Variants in DOP1A observed in about 807,000 individuals in gnomAD.
DOP1A encodes the protein protein DOP1A.
Under a neutral mutation model 267.6 loss-of-function variants are expected in DOP1A, and 90 were observed. That is an observed-to-expected ratio of 0.34 (90% CI 0.28 to 0.40). DOP1A has a LOEUF of 0.40. Ranked by LOEUF, DOP1A falls within the 10% of genes least tolerant of loss-of-function variation. The pLI is 1.00. For missense variants in DOP1A, 2,437 were observed against 2,900.4 expected (o/e 0.84, Z 3.67); for synonymous variants, 932 against 999.1 (o/e 0.93, Z 1.27).
Position 83,153,929 on chromosome 6 carries a change from A to C in DOP1A, c.6275A>C (p.Gln2092Pro). Residue 2092 changes from glutamine to proline, a missense_variant, in exon 32 of 39, where the codon CAG (glutamine) becomes CCG (proline). By Grantham distance (76) the Gln-to-Pro change is moderately conservative. This residue lies in a region of DOP1A where 216 missense variants were observed against 283.3 expected (regional missense o/e 0.76). Transcript: ENST00000349129. ...HNAPSYRACV[Q>P]LLSSLSGYQY... ...GCCCCTAGTTATCGAGCTTGTGTCCAGCTGCTCAGCAGTCTTAGTGGGTAT... is the reference window on the plus strand; with the variant it reads ...GCCCCTAGTTATCGAGCTTGTGTCCCGCTGCTCAGCAGTCTTAGTGGGTAT... 6.2e-7 allele frequency: 1 copy of C among 1,613,724 alleles called. No individual in the cohort carries two copies. The highest frequency in any genetic ancestry group is 1.1e-5 in the South Asian group (1 of 90,936).
Position 83,162,925 on chromosome 6 carries a change from G to A in DOP1A, c.7092+6G>A, listed in dbSNP as rs777922604. On this transcript the variant is annotated splice_donor_region_variant and intron_variant, in intron 38 of 38. Transcript: ENST00000349129. Reference sequence around the variant, plus strand: ...TTCTTCGGAAAAGAGCAAAGGTATCGCATTCTTTTGTGATTGTTTTGTTTT... The same window carrying A: ...TTCTTCGGAAAAGAGCAAAGGTATCACATTCTTTTGTGATTGTTTTGTTTT... 3.3e-5 allele frequency: 53 copies of A among 1,607,474 alleles called. No homozygotes were observed. Among genetic ancestry groups the A allele is most frequent in the South Asian group, 1.1e-4 (10 of 90,136 alleles).
intron 1 of DOP1A, among the ~76,000 whole-genome samples, chr6:83,070,480 T>A (rs531811010): frequency 6.6e-6 from 1 of 152,338 alleles, no homozygotes; most frequent in South Asian, 2.1e-4. Flanking sequence ...TACATTCATT[T>A]AAGTGTACAT....
At chr6:83,125,007 G>T (rs890294619) in intron 13 of DOP1A, among the ~76,000 whole-genome samples, 159 bp from the exon 14 acceptor site, 3 of 152,088 alleles carry the variant, frequency 2.0e-5, no homozygotes, top group Non-Finnish European at 4.4e-5. Flanking sequence ...AAAATACATG[G>T]AGTAAACTTC....
intron 38 of DOP1A, chr6:83,166,270 T>A (rs758629473): frequency 1.4e-5 from 8 of 570,120 alleles, no homozygotes; most frequent in Non-Finnish European, 2.2e-5. Context: ...TCTCTTATAG[T>A]TGTAAGAGGA....
At chr6:83,110,595 A>C (rs1455016269) in intron 6 of DOP1A, among the ~76,000 whole-genome samples, 1 of 152,210 alleles carries the variant, frequency 6.6e-6, no homozygotes, top group African/African-American at 2.4e-5. Flanking sequence ...ATGTGAGAAG[A>C]TGTACTAAAA....
intron 7 of DOP1A, among the ~76,000 whole-genome samples, chr6:83,115,568 A>G (rs894950030): frequency 1.3e-5 from 2 of 152,020 alleles, no homozygotes; most frequent in African/African-American, 4.8e-5. Flanking sequence ...TAAAAATACA[A>G]AAAAAATTAG....
chr6:83,148,231 G>T (rs1320015893), intron 26 of DOP1A, among the ~76,000 whole-genome samples: 1 of 151,998 alleles, frequency 6.6e-6, no homozygotes, highest in African/African-American at 2.4e-5. Flanking sequence ...GGCCAACATG[G>T]TGAAACCCTG....
At chr6:83,124,204 G>C (rs1448472555) in intron 12 of DOP1A, among the ~76,000 whole-genome samples, 2 of 152,054 alleles carry the variant, frequency 1.3e-5, no homozygotes, top group African/African-American at 2.4e-5. Context: ...GATTTAATGT[G>C]AATGTTTGTT....
intron 17 of DOP1A, 29 bp downstream of exon 17, chr6:83,130,426 A>G (rs1395137032): frequency 1.3e-6 from 2 of 1,589,976 alleles, no homozygotes; most frequent in Non-Finnish European, 1.7e-6. Flanking sequence ...ATATATGACT[A>G]TGATGATTAC....
chr6:83,163,651 G>GT (rs1405357822), intron 38 of DOP1A, among the ~76,000 whole-genome samples: 1 of 152,092 alleles, frequency 6.6e-6, no homozygotes, highest in African/African-American at 2.4e-5. Flanking sequence ...CGAATCTAAA[G>GT]TTTCACAAAA....
chr6:83,135,830 G>A lies in DOP1A; in HGVS notation c.3082G>A (p.Gly1028Arg), dbSNP rs1250794368. The A allele has an allele frequency of 6.2e-7, 1 of 1,613,466 alleles. No individual in the cohort carries two copies. The highest frequency in any genetic ancestry group is 8.5e-7 in the Non-Finnish European group (1 of 1,179,654). The stretch of plus-strand genomic sequence containing the variant: ...TTGGAATAAGTCTCCCTGTTATCCA[G>A]GAGAGGAGAGTGACAAGCATTTCAT... ...RYWNKSPCYP[G>R]EESDKHFMQN... The change falls in exon 20 of 39, where the codon GGA (glycine) becomes AGA (arginine). Residue 1028 changes from glycine (G) to arginine (R), a missense_variant. Gly to Arg is a moderately radical substitution (Grantham distance 125). Transcript: ENST00000349129.
intron 1 of DOP1A, among the ~76,000 whole-genome samples, chr6:83,071,140 G>C (rs1265321967): frequency 2.0e-5 from 3 of 152,198 alleles, no homozygotes; most frequent in Admixed American, 2.0e-4. Context: ...TTTCAGTGGT[G>C]TTAACATCTT....
At chr6:83,092,566 C>G (rs375762581) in intron 1 of DOP1A, among the ~76,000 whole-genome samples, 9 of 118,980 alleles carry the variant, frequency 7.6e-5, no homozygotes, top group East Asian at 2.9e-4. Flanking sequence ...TCCCCCCCCC[C>G]CCACCATATT....
At position 83,137,246 on chromosome 6, in the gene DOP1A, T is replaced by C. The variant is rs191811764; in HGVS notation, c.3204T>C (p.Phe1068=). The change falls in exon 21 of 39, where the codon TTT becomes TTC. Residue 1068 remains phenylalanine (F), a synonymous_variant. Transcript: ENST00000349129. Reference sequence around the variant, plus strand: ...TTACCATGGATGAAATAGAGAACTTTAGTCTCACTGTGAATCCATTAAGTG... The same window carrying C: ...TTACCATGGATGAAATAGAGAACTTCAGTCTCACTGTGAATCCATTAAGTG... The part of the protein sequence containing the change: ...KPLTMDEIEN[F]SLTVNPLSDR... The C allele has an allele frequency of 1.8e-4, 288 of 1,611,656 alleles. 1 individual carries two copies. The Admixed American group carries it at 4.5e-3, about 25-fold the overall frequency.
intron 38 of DOP1A, 25 bp downstream of exon 38, chr6:83,162,944 TTG>T (rs746218782): frequency 2.0e-5 from 32 of 1,604,486 alleles, no homozygotes; most frequent in Non-Finnish European, 2.3e-5. Flanking sequence ...TGTGATTGTT[TTG>T]TTTTACATCA....
In DOP1A at chr6:83,120,693, G is replaced by A. The variant is rs1469871775; in HGVS notation, c.1001G>A (p.Gly334Glu). The part of the protein sequence containing the change: ...SKELLVQAMV[G>E]ILQVNGFGEE... ...TTTCCTTTTTTAAAGGCAATGGTGGGAATCTTACAAGTGAATGGATTTGGA... is the reference window on the plus strand; with the variant it reads ...TTTCCTTTTTTAAAGGCAATGGTGGAAATCTTACAAGTGAATGGATTTGGA... The change falls in exon 10 of 39, where the codon GGA becomes GAA. Residue 334 changes from glycine (G) to glutamate (E), a missense_variant. Transcript: ENST00000349129. The A allele has an allele frequency of 1.3e-6, 2 of 1,574,648 alleles. No homozygotes were observed. The highest frequency in any genetic ancestry group is 2.7e-5 in the African/African-American group (2 of 74,448).
chr6:83,148,909 A>ATCCTTTT, intron 27 of DOP1A, 46 bp downstream of exon 27: 2 of 1,174,644 alleles, frequency 1.7e-6, no homozygotes, highest in Non-Finnish European at 2.3e-6. Context: ...GGATAATGTT[A>ATCCTTTT]ATTGTCCTAG....
At chr6:83,143,758 A>G (rs1377483598) in intron 24 of DOP1A, among the ~76,000 whole-genome samples, 1 of 152,176 alleles carries the variant, frequency 6.6e-6, no homozygotes, top group African/African-American at 2.4e-5. Flanking sequence ...TAGAGGAGTG[A>G]TACTAGAGAC....
chr6:83,158,751 T>C (rs1321291758), intron 36 of DOP1A, 129 bp downstream of exon 36: 9 of 696,144 alleles, frequency 1.3e-5, no homozygotes, highest in Non-Finnish European at 1.9e-5. Context: ...ATTGATTACG[T>C]TTGGATATAA....
Sources: allele counts gnomAD v4.1 joint callset (sites outside exome capture counted in the v4.1 genomes callset), GRCh38; gene constraint gnomAD v4.1.1; regional missense constraint gnomAD v4.1.1; transcripts MANE v1.5; gene names NCBI Gene and HGNC (gene_info 2026-07-23, HGNC 2026-07-21).